Variants in ASAP2 observed in about 807,000 individuals in gnomAD.
ASAP2 encodes the protein arf-GAP with SH3 domain, ANK repeat and PH domain-containing protein 2.
Under a neutral mutation model 131.4 loss-of-function variants are expected in ASAP2, and 45 were observed. The ratio of observed to expected loss-of-function variants is 0.34; its 90% CI spans 0.27 to 0.44. ASAP2 has a LOEUF of 0.44. ASAP2 is among the 20% of genes least tolerant of loss of function. ASAP2 has a pLI of 1.00. For missense variants in ASAP2, 1,011 were observed against 1,297.0 expected, an observed-to-expected ratio of 0.78 and a Z score of 3.39; for synonymous variants, 510 against 503.0, an observed-to-expected ratio of 1.01 and a Z score of -0.19.
chr2:9,286,421 ATTTTTTTTAAAAAAGG>A (rs1412612467), intron 2 of ASAP2, among the ~76,000 whole-genome samples: 1 of 138,352 alleles, frequency 7.2e-6, no homozygotes, highest in Non-Finnish European at 1.5e-5. Context: ...AAGGAAAAGG[ATTTTTTTTAAAAAAGG>A]AAAAAAAAAA....
At chr2:9,401,475 A>G (rs1676664481) in intron 27 of ASAP2, 79 bp downstream of exon 27, 1 of 1,542,508 alleles carries the variant, frequency 6.5e-7, no homozygotes, top group Non-Finnish European at 8.8e-7. Context: ...ACGGGCTTGC[A>G]GGTGAGGTTT....
intron 15 of ASAP2, among the ~76,000 whole-genome samples, chr2:9,359,760 G>A (rs1672967306): frequency 6.6e-6 from 1 of 152,326 alleles, no homozygotes; most frequent in South Asian, 2.1e-4. Flanking sequence ...CGAATCCAGT[G>A]TGTCTGAACT....
chr2:9,207,193 C>T lies in ASAP2; in HGVS notation c.89C>T (p.Thr30Met). The change falls in exon 1 of 28, where the codon ACG becomes ATG. Residue 30 changes from threonine (T) to methionine (M), a missense_variant. Physicochemically the swap from Thr to Met is moderately conservative, Grantham distance 81. Transcript: ENST00000281419. This position sits in a 1 kb window ranked among gnomAD's most constrained non-coding sequence, Gnocchi z 4.1. ...ACGGCCTCCAGCTTCACCACCCGCA[C>T]GGCGCAGTGCCGGAACACTGTGGCG... ...APTASSFTTR[T>M]AQCRNTVAAI... The T allele has an allele frequency of 1.2e-6, 2 of 1,602,312 alleles. No homozygotes were observed. The highest frequency in any genetic ancestry group is 1.7e-6 in the Non-Finnish European group (2 of 1,175,378).
At chr2:9,352,842 G>T (rs1202022135) in intron 12 of ASAP2, among the ~76,000 whole-genome samples, 3 of 152,246 alleles carry the variant, frequency 2.0e-5, no homozygotes, top group Non-Finnish European at 4.4e-5. Context: ...GCTGAGCCCA[G>T]TTGGGGGCAG....
intron 24 of ASAP2, among the ~76,000 whole-genome samples, chr2:9,394,689 A>G (rs1308442986): frequency 4.6e-5 from 7 of 152,220 alleles, no homozygotes; most frequent in Admixed American, 4.6e-4. Flanking sequence ...ATGAGTTCAC[A>G]TTGACATCTC....
chr2:9,278,467 C>T (rs958316463), intron 1 of ASAP2, among the ~76,000 whole-genome samples: 2 of 149,794 alleles, frequency 1.3e-5, no homozygotes, highest in Non-Finnish European at 3.0e-5. Flanking sequence ...GAGCCAAGAT[C>T]GTGCCACTGC....
intron 24 of ASAP2, among the ~76,000 whole-genome samples, chr2:9,394,370 T>C (rs1360138135): frequency 6.6e-6 from 1 of 152,056 alleles, no homozygotes; most frequent in East Asian, 1.9e-4. Flanking sequence ...TTCGCCGTGT[T>C]AGCCAGGATG....
chr2:9,237,980 G>T (rs1663672066), intron 1 of ASAP2, among the ~76,000 whole-genome samples: 1 of 152,322 alleles, frequency 6.6e-6, no homozygotes, highest in Non-Finnish European at 1.5e-5. Flanking sequence ...TGTGGCTCCA[G>T]TGTGTGGATC....
Position 9,379,047 on chromosome 2 carries a change from T to C in ASAP2, c.1936T>C (p.Ser646Pro). The C allele has an allele frequency of 6.4e-7, 1 of 1,565,236 alleles. No individual in the cohort carries two copies. Among genetic ancestry groups the C allele is most frequent in the East Asian group, 2.4e-5 (1 of 41,116 alleles). ...CAAGTTGCTCCTGCGGGGGAAGGCC[T>C]CCATCGAGATAGGTGAGTGGGCCCG... ...CLKLLLRGKA[S>P]IEIANESGET... The change falls in exon 19 of 28, where the codon TCC becomes CCC. Residue 646 changes from serine to proline, a missense_variant. Ser to Pro is a moderately conservative substitution (Grantham distance 74). Transcript: ENST00000281419.
intron 2 of ASAP2, among the ~76,000 whole-genome samples, chr2:9,292,990 T>C (rs1245528788): frequency 6.6e-6 from 1 of 152,254 alleles, no homozygotes; most frequent in African/African-American, 2.4e-5. Context: ...CGTATCTACA[T>C]GTGTGGCCCG....
At position 9,207,488 on chromosome 2, in the gene ASAP2, C is replaced by T. The variant is rs1418834120; in HGVS notation, c.126+258C>T. Among the ~76,000 whole-genome samples the T allele has an allele frequency of 6.6e-6, 1 of 152,028 alleles. No homozygotes were observed. The highest frequency in any genetic ancestry group is 1.5e-5 in the Non-Finnish European group (1 of 67,960). On this transcript the variant is annotated intron_variant, in intron 1 of 27. Coordinates refer to ENST00000281419, the MANE Select transcript of ASAP2 (RefSeq NM_003887.3). The surrounding 1 kb of genome is among the most constrained non-coding windows in gnomAD (Gnocchi z 4.1). ...GCGGGGTTCCGCGGCCTGGTCTTTT[C>T]CCCGCAGCGCGGCCAACTTTGTCCA...
intron 3 of ASAP2, among the ~76,000 whole-genome samples, chr2:9,301,820 C>CTTTTTTTT (rs1177064910): frequency 1.7e-5 from 2 of 115,396 alleles, no homozygotes; most frequent in Non-Finnish European, 1.7e-5. Context: ...TATCCATCAT[C>CTTTTTTTT]TTTTTTTTTT....
At position 9,207,283 on chromosome 2, in the gene ASAP2, C is replaced by T. The variant is rs1232536883; in HGVS notation, c.126+53C>T. 1 of 1,468,380 alleles carries T rather than the reference C, an allele frequency of 6.8e-7. No homozygotes were observed. The highest frequency in any genetic ancestry group is 9.0e-7 in the Non-Finnish European group (1 of 1,114,584). 91.0% of individuals were successfully genotyped at this position (1,468,380 alleles called of 1,614,324 possible). A position where few individuals can be genotyped will look rare whatever the true frequency, so the allele number is the denominator to read the frequency against. ...CCGCAGGTATCCCGCGCCCCAGCCC[C>T]GCCCGCCGCTCCCGCATCCGCATCC... On this transcript the variant is annotated intron_variant, in intron 1 of 27. Transcript: ENST00000281419. This position sits in a 1 kb window ranked among gnomAD's most constrained non-coding sequence, Gnocchi z 4.1.
At chr2:9,351,017 T>C (rs1672298216) in intron 12 of ASAP2, 122 bp downstream of exon 12, 1 of 673,862 alleles carries the variant, frequency 1.5e-6, no homozygotes, top group Non-Finnish European at 2.4e-6. Flanking sequence ...ATACCCTTTT[T>C]CTAGTGATAT....
intron 24 of ASAP2, among the ~76,000 whole-genome samples, chr2:9,395,451 G>A (rs1676045356): frequency 6.6e-6 from 1 of 151,692 alleles, no homozygotes; most frequent in Non-Finnish European, 1.5e-5. Context: ...CTCCAGCCTG[G>A]GCAACAAGAA....
At chr2:9,368,557 A>C in intron 16 of ASAP2, 38 bp downstream of exon 16, 1 of 1,591,876 alleles carries the variant, frequency 6.3e-7, no homozygotes, top group Non-Finnish European at 8.6e-7. Flanking sequence ...TGCTGAGTAA[A>C]GGTTTGCCTT....
At chr2:9,254,246 TATATATATACACGTGTGTGTGTATGC>T (rs1664959101) in intron 1 of ASAP2, among the ~76,000 whole-genome samples, 1 of 94,536 alleles carries the variant, frequency 1.1e-5, no homozygotes, top group Non-Finnish European at 2.1e-5. Flanking sequence ...AATATATATA[TATATATATACACGTGTGTGTGTATGC>T]ATATATATAG....
At chr2:9,349,403 A>G (rs529212152) in intron 11 of ASAP2, among the ~76,000 whole-genome samples, 3 of 152,330 alleles carry the variant, frequency 2.0e-5, no homozygotes, top group East Asian at 3.9e-4. Context: ...GGTTGCATAC[A>G]TGTTTTGTAA....
At chr2:9,315,966 G>A (rs866744763) in intron 3 of ASAP2, among the ~76,000 whole-genome samples, 2 of 152,278 alleles carry the variant, frequency 1.3e-5, no homozygotes, top group South Asian at 2.1e-4. Context: ...AGAATTGGCT[G>A]TGGATGCAGA....
Sources: gnomAD v4.1 joint callset for allele counts (sites outside exome capture counted in the v4.1 genomes callset) on GRCh38, gnomAD v4.1.1 for gene constraint, Gnocchi (gnomAD v3.1) non-coding constraint, MANE v1.5 for transcripts, NCBI Gene and HGNC (gene_info 2026-07-23, HGNC 2026-07-21) for gene names.